The following PHACTR1 variants were observed in gnomAD, a reference collection of about 807,000 sequenced individuals.
PHACTR1 encodes phosphatase and actin regulator 1, also known as RPEL repeat containing 1.
In PHACTR1, 16 loss-of-function variants were observed where a neutral mutation model predicts 69.2. The ratio of observed to expected loss-of-function variants is 0.23; its 90% CI spans 0.16 to 0.35. PHACTR1 has a LOEUF of 0.35. PHACTR1 is among the 10% of genes least tolerant of loss of function. The probability of loss-of-function intolerance (pLI) is 1.00; values close to 1 mark genes in which losing one functional copy is unlikely to be tolerated. For synonymous variants in PHACTR1, 312 were observed against 284.5 expected, an observed-to-expected ratio of 1.10 and a Z score of -0.97; for missense variants, 510 against 734.7, an observed-to-expected ratio of 0.69 and a Z score of 3.54.
intron 4 of PHACTR1, among the ~76,000 whole-genome samples, chr6:12,841,753 T>A (rs9357503): frequency 0.19 from 29,238 of 152,100 alleles, 3,062 homozygotes; most frequent in African/African-American, 0.27. Flanking sequence ...GCCAAGAATG[T>A]GTACAGTAAA....
chr6:12,764,994 C>T (rs896323084), intron 4 of PHACTR1, among the ~76,000 whole-genome samples: 3 of 152,024 alleles, frequency 2.0e-5, no homozygotes, highest in Non-Finnish European at 2.9e-5. Flanking sequence ...AGTTTATTAT[C>T]TTTCTGAATG....
intron 6 of PHACTR1, among the ~76,000 whole-genome samples, chr6:13,174,058 T>C (rs1760994192): frequency 6.6e-6 from 1 of 151,902 alleles, no homozygotes; most frequent in Admixed American, 6.6e-5. Context: ...ATAGAAAACA[T>C]ATATCAATGT....
At chr6:13,107,388 A>G (rs1326208496) in intron 5 of PHACTR1, among the ~76,000 whole-genome samples, 1 of 152,238 alleles carries the variant, frequency 6.6e-6, no homozygotes, top group African/African-American at 2.4e-5. Context: ...CTGGGATTAT[A>G]GGTGTGAGCC....
intron 4 of PHACTR1, among the ~76,000 whole-genome samples, chr6:12,944,783 A>ATTTTTTTTTTTTTTT (rs201376090): frequency 8.4e-6 from 1 of 119,298 alleles, no homozygotes; most frequent in African/African-American, 3.4e-5. Flanking sequence ...ATTTATTTTT[A>ATTTTTTTTTTTTTTT]TTTATTTTTT....
intron 4 of PHACTR1, among the ~76,000 whole-genome samples, chr6:12,754,128 A>ATTT (rs34841058): frequency 0.029 from 3,278 of 112,306 alleles, 114 homozygotes; most frequent in African/African-American, 0.045. Flanking sequence ...ACGCCTGGCT[A>ATTT]TTTTTTTTTT....
chr6:13,278,435 C>A (rs1175627835), intron 12 of PHACTR1, 106 bp downstream of exon 12: 9 of 977,852 alleles, frequency 9.2e-6, no homozygotes, highest in Non-Finnish European at 4.7e-6. Context: ...TGGTTCCTCT[C>A]CTCCTGTGTC....
At chr6:13,009,013 C>T (rs1290136599) in intron 4 of PHACTR1, among the ~76,000 whole-genome samples, 2 of 152,182 alleles carry the variant, frequency 1.3e-5, no homozygotes, top group East Asian at 3.9e-4. Flanking sequence ...CTGTTCCTCC[C>T]CTTGCTCCAG....
At chr6:12,944,275 C>T (rs1790362345) in intron 4 of PHACTR1, among the ~76,000 whole-genome samples, 1 of 152,172 alleles carries the variant, frequency 6.6e-6, no homozygotes, top group Non-Finnish European at 1.5e-5. Flanking sequence ...GTTAAGTATG[C>T]TTAATTCTAA....
At chr6:12,917,479 G>A (rs759071610) in intron 4 of PHACTR1, among the ~76,000 whole-genome samples, 3 of 152,180 alleles carry the variant, frequency 2.0e-5, no homozygotes, top group Non-Finnish European at 4.4e-5. Flanking sequence ...CAGGCCAGGC[G>A]CAGTGGCTCA....
At chr6:12,790,336 C>A (rs985826021) in intron 4 of PHACTR1, among the ~76,000 whole-genome samples, 15 of 152,154 alleles carry the variant, frequency 9.9e-5, no homozygotes, top group African/African-American at 3.4e-4. Flanking sequence ...TTTTCTCCAG[C>A]ACGTCAGGGA....
chr6:13,008,402 C>G (rs1268149260), intron 4 of PHACTR1, among the ~76,000 whole-genome samples: 1 of 152,178 alleles, frequency 6.6e-6, no homozygotes, highest in Non-Finnish European at 1.5e-5. Context: ...TGCTGAGGCC[C>G]TGAATATGAC....
chr6:12,837,660 A>G lies in PHACTR1; in HGVS notation c.250+87870A>G, dbSNP rs181432816. Among the ~76,000 whole-genome samples the G allele has an allele frequency of 8.4e-4, 127 of 151,604 alleles. 1 individual carries two copies. Among genetic ancestry groups the G allele is most frequent in the Admixed American group, 2.9e-3 (44 of 15,210 alleles). Reference sequence around the variant, plus strand: ...CTCTATGAATTGCAGCCCTACCCCAACGTAGCTATGTGGCCCTGGGCAAGT... The same window carrying G: ...CTCTATGAATTGCAGCCCTACCCCAGCGTAGCTATGTGGCCCTGGGCAAGT... On this transcript the variant is annotated intron_variant, in intron 4 of 14. Coordinates refer to ENST00000332995, the MANE Select transcript of PHACTR1 (RefSeq NM_030948.6).
chr6:12,935,710 G>A (rs1789370768), intron 4 of PHACTR1, among the ~76,000 whole-genome samples: 1 of 152,034 alleles, frequency 6.6e-6, no homozygotes, highest in South Asian at 2.1e-4. Flanking sequence ...GTAACCTGGA[G>A]GAAGGGATTC....
intron 5 of PHACTR1, among the ~76,000 whole-genome samples, chr6:13,095,576 G>T (rs1378922036): frequency 6.6e-6 from 1 of 152,032 alleles, no homozygotes; most frequent in Non-Finnish European, 1.5e-5. Context: ...CTTTATTCTG[G>T]CATGCCTAAA....
At chr6:12,876,811 A>C (rs1179304402) in intron 4 of PHACTR1, among the ~76,000 whole-genome samples, 1 of 152,220 alleles carries the variant, frequency 6.6e-6, no homozygotes, top group African/African-American at 2.4e-5. Context: ...GAGGCTGAGA[A>C]GTCCCATAAT....
chr6:13,249,176 C>T (rs1774000575), intron 10 of PHACTR1, among the ~76,000 whole-genome samples: 1 of 152,026 alleles, frequency 6.6e-6, no homozygotes, highest in African/African-American at 2.4e-5. Context: ...GGAAACAGGC[C>T]CCACAGCAGG....
At chr6:12,830,807 G>T (rs1055693352) in intron 4 of PHACTR1, among the ~76,000 whole-genome samples, 5 of 151,808 alleles carry the variant, frequency 3.3e-5, no homozygotes, top group Non-Finnish European at 7.4e-5. Flanking sequence ...TGTTGGCCAG[G>T]CTGGTCTCGA....
At chr6:12,962,305 T>C (rs1443047198) in intron 4 of PHACTR1, among the ~76,000 whole-genome samples, 1 of 152,082 alleles carries the variant, frequency 6.6e-6, no homozygotes, top group Non-Finnish European at 1.5e-5. Flanking sequence ...ATCATCTCTT[T>C]CAAGGCCCTT....
chr6:12,745,146 A>C (rs1223195480), intron 3 of PHACTR1, among the ~76,000 whole-genome samples: 3 of 152,040 alleles, frequency 2.0e-5, no homozygotes, highest in Non-Finnish European at 2.9e-5. Context: ...TTACTTGAAA[A>C]ATTTTCTTAA....
Sources: allele counts gnomAD v4.1 joint callset (sites outside exome capture counted in the v4.1 genomes callset), GRCh38; gene constraint gnomAD v4.1.1; transcripts MANE v1.5; gene names NCBI Gene and HGNC (gene_info 2026-07-23, HGNC 2026-07-21).